CCDC15: variants seen among roughly 807,000 people sequenced by gnomAD.
The protein encoded by CCDC15 is coiled-coil domain-containing protein 15.
CCDC15 carries 105 observed loss-of-function variants against 114.5 expected under a neutral mutation model. The ratio of observed to expected loss-of-function variants is 0.92; its 90% CI spans 0.78 to 1.08. The LOEUF (loss-of-function observed/expected upper bound fraction) is 1.08. CCDC15 is among the 50% of genes least tolerant of loss of function. The probability of loss-of-function intolerance (pLI) is 0.00; values close to 1 mark genes in which losing one functional copy is unlikely to be tolerated. For missense variants in CCDC15, 1,105 were observed against 1,093.6 expected, an observed-to-expected ratio of 1.01 and a Z score of -0.15; for synonymous variants, 334 against 377.8, an observed-to-expected ratio of 0.88 and a Z score of 1.34.
Position 125,039,007 on chromosome 11 carries a change from AT to A in CCDC15, c.2677del (p.Trp893GlyfsTer56). ...TLPPLCCCGP[D>X]FWDAHPDTCA... ...CCTCCACTATGCTGTTGTGGTCCTG[AT>A]TTTTGGGATGCTCATCCTGATACCT... On this transcript the variant is annotated frameshift_variant, in exon 15 of 16. Transcript: ENST00000344762. LOFTEE classifies it high-confidence loss of function. 1 of 1,611,650 alleles carries A rather than the reference AT, an allele frequency of 6.2e-7. No homozygotes were observed.
chr11:124,972,878 T>G (rs898065981), intron 4 of CCDC15, among the ~76,000 whole-genome samples: 16 of 152,328 alleles, frequency 1.1e-4, no homozygotes, highest in African/African-American at 3.8e-4. Flanking sequence ...TTTGATGGCA[T>G]TTAGGACCCG....
Position 125,041,198 on chromosome 11 carries a change from A to T in CCDC15, c.*487A>T, listed in dbSNP as rs1374070274. ...GATTAGAAGAATTTAGATTTGTTGC[A>T]CATTTTTTTCCTCAGCATTTTTTCC... On this transcript the variant is annotated 3_prime_UTR_variant, in exon 16 of 16. Transcript: ENST00000344762. 6.6e-6 allele frequency: 1 copy of T among 152,300 alleles called. No individual in the cohort carries two copies. Among genetic ancestry groups the T allele is most frequent in the East Asian group, 1.9e-4 (1 of 5,202 alleles). The allele number at this position is 152,300 out of a possible 1,614,324, so 9.4% of individuals were successfully genotyped here.
intron 15 of CCDC15, chr11:125,039,299 C>T (rs1948799679): frequency 4.9e-6 from 2 of 409,420 alleles, no homozygotes; most frequent in Non-Finnish European, 8.5e-6. Flanking sequence ...ATTTTCAGCT[C>T]ATTCTACTGT....
At chr11:125,002,296 C>T (rs995152278) in intron 11 of CCDC15, among the ~76,000 whole-genome samples, 2 of 152,158 alleles carry the variant, frequency 1.3e-5, no homozygotes, top group Non-Finnish European at 2.9e-5. Flanking sequence ...GTTCCACATA[C>T]AAGTCCCTTA....
chr11:124,989,457 T>G (rs145727791), intron 8 of CCDC15, among the ~76,000 whole-genome samples: 62 of 152,360 alleles, frequency 4.1e-4, no homozygotes, highest in African/African-American at 1.4e-3. Context: ...GTGCATTGGC[T>G]TCAACTTAAA....
At chr11:124,993,147 T>G (rs1948298876) in intron 10 of CCDC15, 22 bp from the exon 11 acceptor site, 5 of 1,490,190 alleles carry the variant, frequency 3.4e-6, no homozygotes, top group Non-Finnish European at 4.7e-6. Context: ...ACAATCAGTT[T>G]TGTATTTTGT....
intron 2 of CCDC15, among the ~76,000 whole-genome samples, chr11:124,956,802 C>G (rs1947559380): frequency 6.6e-6 from 1 of 152,202 alleles, no homozygotes. Context: ...CATATCTAGT[C>G]TGGGTATCCA....
At chr11:124,983,514 T>A (rs532408932) in intron 6 of CCDC15, among the ~76,000 whole-genome samples, 1 of 152,072 alleles carries the variant, frequency 6.6e-6, no homozygotes, top group Non-Finnish European at 1.5e-5. Context: ...GGGAGTCAGT[T>A]GACTGGCTTC....
At chr11:125,012,284 T>A (rs560873275) in intron 13 of CCDC15, among the ~76,000 whole-genome samples, 2 of 152,160 alleles carry the variant, frequency 1.3e-5, no homozygotes, top group East Asian at 1.9e-4. Flanking sequence ...CAGGCCAAAG[T>A]GGGACTATTA....
intron 4 of CCDC15, among the ~76,000 whole-genome samples, chr11:124,970,450 C>T (rs982727574): frequency 2.6e-5 from 4 of 152,064 alleles, no homozygotes; most frequent in East Asian, 1.9e-4. Flanking sequence ...TATTTTCTGG[C>T]CACTGAAAAG....
chr11:125,009,297 A>G (rs957898238), intron 13 of CCDC15, among the ~76,000 whole-genome samples: 1 of 152,138 alleles, frequency 6.6e-6, no homozygotes, highest in African/African-American at 2.4e-5. Flanking sequence ...TTGACATACT[A>G]TGCATAATGC....
chr11:125,039,229 A>G lies in CCDC15; in HGVS notation c.2734+160A>G, dbSNP rs1591617383. On this transcript the variant is annotated intron_variant, in intron 15 of 15. Transcript: ENST00000344762. ...TATATGAGGCAGTGAAAAAATTATA[A>G]TGAGTTATATTTCTCTTTGAGATCT... 4 of 520,338 alleles carry G rather than the reference A, an allele frequency of 7.7e-6. No individual in the cohort carries two copies. The East Asian group carries it at 1.3e-4, about 17-fold the overall frequency. The allele number at this position is 520,338 out of a possible 1,614,324, so 32.2% of individuals were successfully genotyped here.
chr11:124,956,642 T>C (rs1232894149), intron 2 of CCDC15, among the ~76,000 whole-genome samples: 2 of 152,250 alleles, frequency 1.3e-5, no homozygotes, highest in Non-Finnish European at 2.9e-5. Context: ...TTAAGAAGTA[T>C]TGACTATCGT....
intron 13 of CCDC15, among the ~76,000 whole-genome samples, chr11:125,018,200 A>G (rs895812003): frequency 6.6e-6 from 1 of 151,982 alleles, no homozygotes; most frequent in Non-Finnish European, 1.5e-5. Flanking sequence ...TTATTTAAGT[A>G]TAATGTTTTT....
At chr11:124,959,345 T>C in intron 3 of CCDC15, 81 bp downstream of exon 3, 1 of 1,196,356 alleles carries the variant, frequency 8.4e-7, no homozygotes, top group Non-Finnish European at 1.1e-6. Flanking sequence ...AGTAACAGAA[T>C]TGCTTTCCTT....
chr11:125,026,884 C>T (rs1242918279), intron 13 of CCDC15, among the ~76,000 whole-genome samples: 2 of 152,100 alleles, frequency 1.3e-5, no homozygotes, highest in Non-Finnish European at 2.9e-5. Flanking sequence ...TTATTTCTCA[C>T]CCCTTCCCAC....
chr11:124,956,131 T>C (rs988747066), intron 2 of CCDC15, among the ~76,000 whole-genome samples: 1 of 148,500 alleles, frequency 6.7e-6, no homozygotes, highest in African/African-American at 2.5e-5. Context: ...CTTAGGAAAT[T>C]TTGGAGAAGG....
At position 124,987,903 on chromosome 11, in the gene CCDC15, C is replaced by G; in HGVS notation, c.1677C>G (p.Asp559Glu). ...KDWNILPKCQ[D>E]QDFLPRDQGV... is the part of the protein sequence containing the mutation. ...GGAATATTCTACCCAAATGTCAGGACCAGGATTTTCTACCCAGAGACCAAG... is the reference window on the plus strand; with the variant it reads ...GGAATATTCTACCCAAATGTCAGGAGCAGGATTTTCTACCCAGAGACCAAG... Residue 559 changes from aspartate (D) to glutamate (E), a missense_variant, in exon 8 of 16, where the codon GAC (aspartate) becomes GAG (glutamate). By Grantham distance (45) the Asp-to-Glu change is conservative. Coordinates refer to ENST00000344762, the MANE Select transcript of CCDC15 (RefSeq NM_025004.3). 6.2e-7 allele frequency: 1 copy of G among 1,614,010 alleles called. No homozygotes were observed. Among genetic ancestry groups the G allele is most frequent in the Non-Finnish European group, 8.5e-7 (1 of 1,179,892 alleles).
chr11:124,980,004 A>C (rs1236004067), intron 6 of CCDC15, among the ~76,000 whole-genome samples: 3 of 152,162 alleles, frequency 2.0e-5, no homozygotes, highest in African/African-American at 7.2e-5. Context: ...AATTTTATTG[A>C]AAGCCTTTTC....
Sources: allele counts gnomAD v4.1 joint callset (sites outside exome capture counted in the v4.1 genomes callset), GRCh38; gene constraint gnomAD v4.1.1; transcripts MANE v1.5; gene names NCBI Gene and HGNC (gene_info 2026-07-23, HGNC 2026-07-21).